CMPK2: variants seen among roughly 807,000 people sequenced by gnomAD.
CMPK2 encodes cytidine/uridine monophosphate kinase 2.
Under a neutral mutation model 33.4 loss-of-function variants are expected in CMPK2, and 32 were observed. That is an observed-to-expected ratio of 0.96 (90% CI 0.72 to 1.29). CMPK2 has a LOEUF of 1.29. Ranked by LOEUF, CMPK2 falls within the 50% of genes most tolerant of loss-of-function variation. The probability of loss-of-function intolerance (pLI) is 0.00; values close to 1 mark genes in which losing one functional copy is unlikely to be tolerated. For missense variants in CMPK2, 672 were observed against 616.0 expected (o/e 1.09, Z -0.96); for synonymous variants, 299 against 275.3 (o/e 1.09, Z -0.85).
chr2:6,848,698 T>A lies in CMPK2; in HGVS notation c.*1152A>T. ...AGATAGGATAAAATAATTTACAGAT[T>A]TATCTGCCTTTGAACTGGAAGGAAT... On this transcript the variant is annotated 3_prime_UTR_variant, in exon 5 of 5. Coordinates refer to ENST00000256722, the MANE Select transcript of CMPK2 (RefSeq NM_207315.4). 1 of 985,338 alleles carries A rather than the reference T, an allele frequency of 1.0e-6. No individual in the cohort carries two copies. The highest frequency in any genetic ancestry group is 1.2e-6 in the Non-Finnish European group (1 of 829,476). 61.0% of individuals were successfully genotyped at this position (985,338 alleles called of 1,614,324 possible). A position where few individuals can be genotyped will look rare whatever the true frequency, so the allele number is the denominator to read the frequency against.
At chr2:6,850,599 C>T (rs1026641223) in intron 4 of CMPK2, 18 of 329,450 alleles carry the variant, frequency 5.5e-5, no homozygotes, top group Non-Finnish European at 6.9e-5. Context: ...ATCTCTTCTC[C>T]TCTCTGTGTC....
chr2:6,863,331 A>G (rs971819278), intron 2 of CMPK2, 133 bp downstream of exon 2: 2 of 692,180 alleles, frequency 2.9e-6, no homozygotes, highest in African/African-American at 3.6e-5. Flanking sequence ...GGGCCTGCCT[A>G]GCACAGGGCC....
In CMPK2 at chr2:6,851,543, C is replaced by T. The variant is rs1662524899; in HGVS notation, c.1133G>A (p.Ser378Asn). The change falls in exon 4 of 5, where the codon AGT becomes AAT. Residue 378 changes from serine (S) to asparagine (N), a missense_variant. Coordinates refer to ENST00000256722, the MANE Select transcript of CMPK2 (RefSeq NM_207315.4). ...CAGCCTCTGCAACCTCTCCTCAGGA[C>T]TCACAGTGAGCAGCAGGATAAGGTC... ...KPDLILLLTV[S>N]PEERLQRLQG... The T allele has an allele frequency of 6.2e-7, 1 of 1,614,244 alleles. No individual in the cohort carries two copies. The highest frequency in any genetic ancestry group is 8.5e-7 in the Non-Finnish European group (1 of 1,180,034).
rs1288778715 is a variant in CMPK2, at chr2:6,848,587, C to T, written c.*1263G>A. 25 of 958,312 alleles carry T rather than the reference C, an allele frequency of 2.6e-5. No homozygotes were observed. The highest frequency in any genetic ancestry group is 3.1e-5 in the Non-Finnish European group (25 of 805,402). The allele number at this position is 958,312 out of a possible 1,614,324, so 59.4% of individuals were successfully genotyped here. On this transcript the variant is annotated 3_prime_UTR_variant, in exon 5 of 5. Transcript: ENST00000256722. ...AAAATCCTATGACATTAACATGAAA[C>T]TTTATTAGAATTTAAGATTCTATAT...
chr2:6,854,717 T>G (rs1662633434), intron 3 of CMPK2, among the ~76,000 whole-genome samples: 1 of 152,228 alleles, frequency 6.6e-6, no homozygotes, highest in African/African-American at 2.4e-5. Flanking sequence ...AAAAGCAATT[T>G]GCCAACACAT....
intron 3 of CMPK2, among the ~76,000 whole-genome samples, chr2:6,856,099 CT>C (rs954050856): frequency 3.3e-5 from 5 of 152,164 alleles, no homozygotes; most frequent in Admixed American, 3.3e-4. Flanking sequence ...CTTTAGAATA[CT>C]TTTTGCAACA....
chr2:6,841,687 TAGAC>T (rs34346659), intron 3 of CMPK2, among the ~76,000 whole-genome samples: 10,976 of 152,130 alleles, frequency 0.072, 702 homozygotes, highest in Admixed American at 0.21. Context: ...CCTCCCAAAT[TAGAC>T]AGCCTTCAAG....
At chr2:6,841,556 G>A (rs1003572032) in intron 3 of CMPK2, among the ~76,000 whole-genome samples, 1 of 152,202 alleles carries the variant, frequency 6.6e-6, no homozygotes, top group African/African-American at 2.4e-5. Context: ...ACTGGAGACT[G>A]ACAAATAACA....
chr2:6,857,970 C>T (rs1662765047), intron 3 of CMPK2, among the ~76,000 whole-genome samples: 1 of 152,136 alleles, frequency 6.6e-6, no homozygotes, highest in Non-Finnish European at 1.5e-5. Flanking sequence ...AGAAACATTC[C>T]AATGGCTCCC....
rs1663044113 is a variant in CMPK2, at chr2:6,865,429, G to A, written c.268C>T (p.Arg90Trp). Residue 90 changes from arginine (R) to tryptophan (W), a missense_variant, in exon 1 of 5, where the codon CGG becomes TGG. Coordinates refer to ENST00000256722, the MANE Select transcript of CMPK2 (RefSeq NM_207315.4). ...AGGCGCTGGTGCAGCCGCGCCGCCC[G>A]GACCCGGGCCCCGCAGCCGGCGTCC... ...TPDAGCGARV[R>W]AARLHQRLLH... The A allele has an allele frequency of 3.1e-6, 4 of 1,293,362 alleles. No individual in the cohort carries two copies. The Admixed American group carries it at 1.3e-4, about 41-fold the overall frequency. 80.1% of individuals were successfully genotyped at this position (1,293,362 alleles called of 1,614,324 possible).
intron 3 of CMPK2, among the ~76,000 whole-genome samples, chr2:6,854,457 A>G (rs1662623864): frequency 6.6e-6 from 1 of 152,236 alleles, no homozygotes; most frequent in African/African-American, 2.4e-5. Flanking sequence ...GACAACAAAT[A>G]ACTGCTCTTT....
At position 6,865,084 on chromosome 2, in the gene CMPK2, G is replaced by C. The variant is rs1488280913; in HGVS notation, c.613C>G (p.Pro205Ala). 2.7e-6 allele frequency: 4 copies of C among 1,486,478 alleles called. No homozygotes were observed. Among genetic ancestry groups the C allele is most frequent in the Non-Finnish European group, 2.7e-6 (3 of 1,118,210 alleles). The allele number at this position is 1,486,478 out of a possible 1,614,324, so 92.1% of individuals were successfully genotyped here. The change falls in exon 1 of 5, where the codon CCA becomes GCA. Residue 205 changes from proline (P) to alanine (A), a missense_variant. Physicochemically the swap from Pro to Ala is conservative, Grantham distance 27. Coordinates refer to ENST00000256722, the MANE Select transcript of CMPK2 (RefSeq NM_207315.4). ...AAGACCACGGAACTGGGCAAGTCTG[G>C]CACCACCGGGTGCAGCGGGGGCTCC... is the stretch of plus-strand genomic sequence containing the variant. ...VPEPPLHPVV[P>A]DLPSSVVFPD...
upstream of CMPK2, chr2:6,866,064 T>C (rs554445982): frequency 2.5e-5 from 7 of 278,860 alleles, no homozygotes; most frequent in Non-Finnish European, 4.7e-5. Context: ...GTGTGCGTTC[T>C]GCGGGTGGCT....
intron 2 of CMPK2, among the ~76,000 whole-genome samples, chr2:6,862,925 A>G (rs1662925607): frequency 6.6e-6 from 1 of 152,108 alleles, no homozygotes; most frequent in Non-Finnish European, 1.5e-5. Context: ...CCCCTTTTGT[A>G]CTTTGGTCTC....
chr2:6,846,052 T>C (rs1301304261), downstream of CMPK2, among the ~76,000 whole-genome samples: 2 of 151,316 alleles, frequency 1.3e-5, no homozygotes, highest in African/African-American at 4.9e-5. Context: ...AAACAAGGAG[T>C]TTGGGGCAGA....
upstream of CMPK2, chr2:6,866,406 T>C (rs968069396): frequency 2.0e-6 from 2 of 982,974 alleles, no homozygotes; most frequent in Non-Finnish European, 2.4e-6. Flanking sequence ...GTGCACACAC[T>C]CACCTTTGCA....
In CMPK2 at chr2:6,865,134, C is replaced by A; in HGVS notation, c.563G>T (p.Gly188Val). The change falls in exon 1 of 5, where the codon GGC (glycine) becomes GTC (valine). Residue 188 changes from glycine to valine, a missense_variant. Transcript: ENST00000256722. ...EVQDGRRLQV[G>V]CAQVVPVPEP... ...CGGGACGGGCACGACCTGTGCGCAG[C>A]CCACCTGCAGCCGCCTGCCGTCTTG... is the stretch of plus-strand genomic sequence containing the variant. The A allele has an allele frequency of 6.6e-7, 1 of 1,524,462 alleles. No individual in the cohort carries two copies. 94.4% of individuals were successfully genotyped at this position (1,524,462 alleles called of 1,614,324 possible).
chr2:6,843,555 C>T (rs1285140052), downstream of CMPK2, among the ~76,000 whole-genome samples: 5 of 152,070 alleles, frequency 3.3e-5, no homozygotes, highest in African/African-American at 4.8e-5. Context: ...GCAGTTGCAG[C>T]CTGACCAATT....
intron 3 of CMPK2, among the ~76,000 whole-genome samples, chr2:6,855,393 T>C (rs1197437697): frequency 2.0e-5 from 3 of 151,482 alleles, no homozygotes; most frequent in African/African-American, 4.9e-5. Context: ...ATTTCCACCA[T>C]GATTGCAAGT....
Sources: gnomAD v4.1 joint callset for allele counts (sites outside exome capture counted in the v4.1 genomes callset) on GRCh38, gnomAD v4.1.1 for gene constraint, MANE v1.5 for transcripts, NCBI Gene and HGNC (gene_info 2026-07-23, HGNC 2026-07-21) for gene names.